The following OLFM1 variants were observed in gnomAD, a reference collection of about 807,000 sequenced individuals.
OLFM1 encodes noelin.
OLFM1 carries 9 observed loss-of-function variants against 49.7 expected under a neutral mutation model. The observed-to-expected ratio is 0.18, with a 90% CI of 0.11 to 0.32. The LOEUF is 0.32. OLFM1 is among the 10% of genes least tolerant of loss of function. The pLI is 1.00. For synonymous variants in OLFM1, 240 were observed against 271.8 expected (o/e 0.88, Z 1.15); for missense variants, 369 against 661.8 (o/e 0.56, Z 4.85).
In OLFM1 at chr9:135,098,865, G is replaced by A. The variant is rs1441251691; in HGVS notation, c.676+360G>A. 6.6e-6 allele frequency among the ~76,000 whole-genome samples: 1 copy of A among 152,224 alleles called. No homozygotes were observed. The highest frequency in any genetic ancestry group is 6.5e-5 in the Admixed American group (1 of 15,284). On this transcript the variant is annotated intron_variant, in intron 4 of 5. Coordinates refer to ENST00000371793, the MANE Select transcript of OLFM1 (RefSeq NM_001282611.2). This position sits in a 1 kb window ranked among gnomAD's most constrained non-coding sequence, Gnocchi z 5.6. Reference sequence around the variant, plus strand: ...GGCAATAACATCTCAGATTCCTCCGGATTGAGAACGGGGGCTGGTGGAGCT... The same window carrying A: ...GGCAATAACATCTCAGATTCCTCCGAATTGAGAACGGGGGCTGGTGGAGCT...
intron 5 of OLFM1, among the ~76,000 whole-genome samples, chr9:135,108,722 A>G (rs1830981265): frequency 6.6e-6 from 1 of 151,976 alleles, no homozygotes; most frequent in Admixed American, 6.5e-5. Flanking sequence ...CTCCCTTAAT[A>G]GCGGGGGAAG....
chr9:135,080,798 A>G lies in OLFM1; in HGVS notation c.96+4996A>G, dbSNP rs1442667421. On this transcript the variant is annotated intron_variant, in intron 1 of 5. Coordinates refer to the OLFM1 transcript ENST00000252854. This position sits in a 1 kb window ranked among gnomAD's most constrained non-coding sequence, Gnocchi z 4.5. ...GCTAGGCTGACAGGGCGAGCAGCCA[A>G]TTTCCAGCTCTGAAAGATTCGTCCT... Among the ~76,000 whole-genome samples the G allele has an allele frequency of 1.3e-5, 2 of 152,132 alleles. No individual in the cohort carries two copies. Among genetic ancestry groups the G allele is most frequent in the African/African-American group, 4.8e-5 (2 of 41,432 alleles).
At chr9:135,101,189 G>A (rs935463926) in intron 4 of OLFM1, among the ~76,000 whole-genome samples, 8 of 152,184 alleles carry the variant, frequency 5.3e-5, no homozygotes, top group Admixed American at 3.3e-4. Flanking sequence ...GCTGCCGGCC[G>A]TCCTGGGTGG....
intron 1 of OLFM1, chr9:135,076,277 G>T (rs1357671835): frequency 1.3e-6 from 2 of 1,550,574 alleles, no homozygotes; most frequent in Non-Finnish European, 1.7e-6. Context: ...CCAGAAACAG[G>T]CGGTGGGGAT....
rs80281532 is a variant in OLFM1 at position 135,120,553 on chromosome 9, C to T, written c.*375C>T. 3.8e-4 allele frequency: 90 copies of T among 234,310 alleles called. No individual in the cohort carries two copies. The highest frequency in any genetic ancestry group is 6.1e-4 in the Non-Finnish European group (73 of 120,466). The allele number at this position is 234,310 out of a possible 1,614,324, so 14.5% of individuals were successfully genotyped here. A position where few individuals can be genotyped will look rare whatever the true frequency, so the allele number is the denominator to read the frequency against. On this transcript the variant is annotated 3_prime_UTR_variant, in exon 6 of 6. Transcript: ENST00000371793. ...CATTTCCTTAGATCGTGGTCAGCTCCGAGGAATGTGGCGTCCAGGCTCTTT... is the reference window on the plus strand; with the variant it reads ...CATTTCCTTAGATCGTGGTCAGCTCTGAGGAATGTGGCGTCCAGGCTCTTT...
intron 1 of OLFM1, among the ~76,000 whole-genome samples, chr9:135,089,278 C>G (rs1206634045): frequency 1.3e-5 from 2 of 152,232 alleles, no homozygotes; most frequent in East Asian, 3.9e-4. Context: ...ATTCTACCCG[C>G]CCAACTTCTC....
chr9:135,088,403 G>T lies in OLFM1; in HGVS notation c.150+264G>T, dbSNP rs1406221268. Among the ~76,000 whole-genome samples the T allele has an allele frequency of 2.6e-5, 4 of 151,944 alleles. No individual in the cohort carries two copies. Among genetic ancestry groups the T allele is most frequent in the Non-Finnish European group, 5.9e-5 (4 of 67,964 alleles). The stretch of plus-strand genomic sequence containing the variant: ...TCCTTCGTCTGGGCCCCTCGCCGCG[G>T]GGCCGGGGGAGCTTGGTGGGTTCTC... On this transcript the variant is annotated intron_variant, in intron 1 of 5. Transcript: ENST00000371793. This position sits in a 1 kb window ranked among gnomAD's most constrained non-coding sequence, Gnocchi z 4.8.
chr9:135,089,003 C>G (rs1051496692), intron 1 of OLFM1, among the ~76,000 whole-genome samples: 4 of 152,218 alleles, frequency 2.6e-5, no homozygotes, highest in Admixed American at 6.5e-5. Flanking sequence ...GCCGGGAAGG[C>G]GCGCCCCAGA....
intron 4 of OLFM1, among the ~76,000 whole-genome samples, chr9:135,105,295 T>C (rs1265184963): frequency 6.6e-6 from 1 of 152,188 alleles, no homozygotes; most frequent in Non-Finnish European, 1.5e-5. Context: ...CTTGGAGCAA[T>C]GCAGCCCGAC....
chr9:135,078,441 G>A (rs1356089931), intron 1 of OLFM1, among the ~76,000 whole-genome samples: 1 of 152,204 alleles, frequency 6.6e-6, no homozygotes, highest in African/African-American at 2.4e-5. Context: ...CACATGGCGG[G>A]GCCATCTGTT....
chr9:135,118,250 G>A (rs1831122551), intron 5 of OLFM1, among the ~76,000 whole-genome samples: 1 of 151,818 alleles, frequency 6.6e-6, no homozygotes, highest in Admixed American at 6.6e-5. Flanking sequence ...TCCTCACTGG[G>A]TCTTTGGAGT....
chr9:135,095,927 G>T lies in OLFM1; in HGVS notation c.364G>T (p.Val122Leu), dbSNP rs1205344491. 3 of 1,613,122 alleles carry T rather than the reference G, an allele frequency of 1.9e-6. No individual in the cohort carries two copies. The highest frequency in any genetic ancestry group is 8.5e-7 in the Non-Finnish European group (1 of 1,179,572). ...GCGGACCCAGAGAGACTTGCAGTAC[G>T]TGGAGAAGATGGAGAACCAAATGAA... ...DRRTQRDLQYVEKMENQMKGL... is the reference protein window; with the variant it reads ...DRRTQRDLQYLEKMENQMKGL... The change falls in exon 3 of 6, where the codon GTG becomes TTG. Residue 122 changes from valine (V) to leucine (L), a missense_variant. Physicochemically the swap from Val to Leu is conservative, Grantham distance 32. This residue lies in a region of OLFM1 where 294 missense variants were observed against 567.5 expected (regional missense o/e 0.52). Transcript: ENST00000371793.
At chr9:135,103,613 C>CG (rs1830899462) in intron 4 of OLFM1, among the ~76,000 whole-genome samples, 1 of 152,186 alleles carries the variant, frequency 6.6e-6, no homozygotes, top group South Asian at 2.1e-4. Flanking sequence ...CCTTGGCCCA[C>CG]GGCAGGGTGG....
In OLFM1 at chr9:135,091,780, C is replaced by CAG. The variant is rs1564271070; in HGVS notation, c.300+1436_300+1437insAG. Reference sequence around the variant, plus strand: ...ACACACTCACACAGTCACACACACACTCACACATAGTCACACAGTCACACA... The same window carrying CAG: ...ACACACTCACACAGTCACACACACACAGTCACACATAGTCACACAGTCACACA... On this transcript the variant is annotated intron_variant, in intron 2 of 5. Transcript: ENST00000371793. Among the ~76,000 whole-genome samples, 96 of 141,202 alleles carry CAG rather than the reference C, an allele frequency of 6.8e-4. 1 individual carries two copies. Among genetic ancestry groups the CAG allele is most frequent in the African/African-American group, 2.6e-3 (90 of 34,922 alleles). 92.6% of individuals were successfully genotyped at this position (141,202 alleles called of 152,430 possible). A position where few individuals can be genotyped will look rare whatever the true frequency, so the allele number is the denominator to read the frequency against.
chr9:135,098,479 G>A lies in OLFM1; in HGVS notation c.650G>A (p.Arg217Lys). The part of the protein sequence containing the change: ...LQSRVSNLEE[R>K]LRACMQKLAC... ...AGCAGAGTGTCCAATCTTGAAGAAA[G>A]GCTCCGTGCATGCATGCAAAAACTA... Residue 217 changes from arginine to lysine, a missense_variant, in exon 4 of 6, where the codon AGG becomes AAG. Around this residue, in one of 3 missense-constraint regions of OLFM1, gnomAD observed 294 missense variants for 567.5 expected, o/e 0.52. Coordinates refer to ENST00000371793, the MANE Select transcript of OLFM1 (RefSeq NM_001282611.2). This position sits in a 1 kb window ranked among gnomAD's most constrained non-coding sequence, Gnocchi z 5.6. 1 of 1,613,730 alleles carries A rather than the reference G, an allele frequency of 6.2e-7. No homozygotes were observed. The highest frequency in any genetic ancestry group is 1.1e-5 in the South Asian group (1 of 91,084).
intron 5 of OLFM1, among the ~76,000 whole-genome samples, chr9:135,107,445 C>T (rs937743322): frequency 1.3e-5 from 2 of 152,148 alleles, no homozygotes; most frequent in African/African-American, 4.8e-5. Context: ...ATCTGGGGGG[C>T]TGGGTTTTAT....
chr9:135,077,062 C>A (rs1187476439), intron 1 of OLFM1: 7 of 1,406,818 alleles, frequency 5.0e-6, no homozygotes, highest in Non-Finnish European at 2.8e-6. Context: ...TTCTGCATGG[C>A]CTCTAGGAGA....
In OLFM1 at chr9:135,095,342, T is replaced by C. The variant is rs1479454015; in HGVS notation, c.301-522T>C. 4 of 152,972 alleles carry C rather than the reference T, an allele frequency of 2.6e-5. No individual in the cohort carries two copies. In the South Asian group the frequency reaches 6.2e-4, roughly 24 times the overall value. 9.5% of individuals were successfully genotyped at this position (152,972 alleles called of 1,614,324 possible). A position where few individuals can be genotyped will look rare whatever the true frequency, so the allele number is the denominator to read the frequency against. On this transcript the variant is annotated intron_variant, in intron 2 of 5. Coordinates refer to ENST00000371793, the MANE Select transcript of OLFM1 (RefSeq NM_001282611.2). ...GCTCCCTTGTTCCTTCACTCTGCAC[T>C]TAAGTAATCAACCTTATCAGCAAGA...
At chr9:135,107,068 C>T (rs919903070) in intron 5 of OLFM1, among the ~76,000 whole-genome samples, 1 of 152,170 alleles carries the variant, frequency 6.6e-6, no homozygotes, top group African/African-American at 2.4e-5. Flanking sequence ...CAGGGAGTGA[C>T]ATGAGGTTGA....
Sources: allele counts gnomAD v4.1 joint callset (sites outside exome capture counted in the v4.1 genomes callset), GRCh38; gene constraint gnomAD v4.1.1; regional missense constraint gnomAD v4.1.1; non-coding constraint Gnocchi (gnomAD v3.1); transcripts MANE v1.5; gene names NCBI Gene and HGNC (gene_info 2026-07-23, HGNC 2026-07-21).